The following SMAD6 variants were observed in gnomAD, a reference collection of about 807,000 sequenced individuals.
The protein encoded by SMAD6 is MAD homolog 6.
Under a neutral mutation model 39.4 loss-of-function variants are expected in SMAD6, and 103 were observed. That is an observed-to-expected ratio of 2.62 (90% CI 2.23 to 3.08). SMAD6 has a LOEUF of 3.08. Ranked by LOEUF, SMAD6 falls within the 30% of genes most tolerant of loss-of-function variation. The probability of loss-of-function intolerance (pLI) is 0.00; values close to 1 mark genes in which losing one functional copy is unlikely to be tolerated. For synonymous variants in SMAD6, 445 were observed against 353.3 expected, an observed-to-expected ratio of 1.26 and a Z score of -2.91; for missense variants, 1,104 against 742.9, an observed-to-expected ratio of 1.49 and a Z score of -5.65.
At chr15:66,719,632 T>C (rs921527347) in intron 3 of SMAD6, among the ~76,000 whole-genome samples, 43 of 152,338 alleles carry the variant, frequency 2.8e-4, no homozygotes, top group African/African-American at 5.1e-4. Flanking sequence ...TTATCTGTTT[T>C]ATCCAGCTCC....
intron 3 of SMAD6, among the ~76,000 whole-genome samples, chr15:66,755,436 A>C (rs1266027663): frequency 6.6e-6 from 1 of 152,228 alleles, no homozygotes; most frequent in Non-Finnish European, 1.5e-5. Context: ...CAGATTTTTT[A>C]ACAGCCAAGT....
chr15:66,755,717 T>G (rs1894085704), intron 3 of SMAD6, among the ~76,000 whole-genome samples: 1 of 152,092 alleles, frequency 6.6e-6, no homozygotes, highest in Non-Finnish European at 1.5e-5. Flanking sequence ...GTTCTCTGGG[T>G]TTTACAAAGG....
intron 3 of SMAD6, among the ~76,000 whole-genome samples, chr15:66,720,253 A>G (rs1260297405): frequency 8.0e-5 from 12 of 150,784 alleles, no homozygotes; most frequent in Admixed American, 2.0e-4. Flanking sequence ...TTTTTTTTCA[A>G]CTTTAAAGTA....
chr15:66,712,954 G>A (rs1261510272), intron 2 of SMAD6, among the ~76,000 whole-genome samples: 1 of 152,042 alleles, frequency 6.6e-6, no homozygotes, highest in Non-Finnish European at 1.5e-5. Context: ...CTGCAGTGAG[G>A]TATGATTGTG....
chr15:66,703,231 C>G lies in SMAD6; in HGVS notation c.-28C>G, dbSNP rs1322182294. The G allele has an allele frequency of 7.3e-7, 1 of 1,363,494 alleles. No individual in the cohort carries two copies. The highest frequency in any genetic ancestry group is 3.6e-5 in the Admixed American group (1 of 27,868). 84.5% of individuals were successfully genotyped at this position (1,363,494 alleles called of 1,614,324 possible). A position where few individuals can be genotyped will look rare whatever the true frequency, so the allele number is the denominator to read the frequency against. ...CCCCGGTAACCGGAGACCGCCTCCC[C>G]CCCACCCCTGGCGCCAAAGGATATC... On this transcript the variant is annotated 5_prime_UTR_variant, in exon 1 of 4. Transcript: ENST00000288840.
At chr15:66,731,788 A>G (rs900209705) in intron 3 of SMAD6, among the ~76,000 whole-genome samples, 1 of 152,176 alleles carries the variant, frequency 6.6e-6, no homozygotes, top group Non-Finnish European at 1.5e-5. Flanking sequence ...ATAACTTTAC[A>G]ACAGGCACTG....
chr15:66,722,086 G>A (rs565228714), intron 3 of SMAD6, among the ~76,000 whole-genome samples: 62 of 152,298 alleles, frequency 4.1e-4, no homozygotes, highest in African/African-American at 1.5e-3. Context: ...GAGAAAAGAT[G>A]GGCAGAGACC....
intron 3 of SMAD6, among the ~76,000 whole-genome samples, chr15:66,742,024 T>C (rs1271798985): frequency 6.6e-6 from 1 of 152,198 alleles, no homozygotes; most frequent in African/African-American, 2.4e-5. Context: ...CCTGTTTCCC[T>C]GCAACTTTCC....
chr15:66,746,324 T>A (rs1893907298), intron 3 of SMAD6, among the ~76,000 whole-genome samples: 1 of 152,108 alleles, frequency 6.6e-6, no homozygotes, highest in South Asian at 2.1e-4. Context: ...TAGGCTCTCC[T>A]CCTCCCTCCT....
intron 3 of SMAD6, among the ~76,000 whole-genome samples, chr15:66,746,463 C>G (rs1595784668): frequency 6.6e-6 from 1 of 152,134 alleles, no homozygotes; most frequent in African/African-American, 2.4e-5. Context: ...TATTGTTCCC[C>G]CTGCTGACAC....
intron 3 of SMAD6, among the ~76,000 whole-genome samples, chr15:66,734,148 C>G (rs1039146220): frequency 2.0e-5 from 3 of 152,212 alleles, no homozygotes; most frequent in Non-Finnish European, 4.4e-5. Context: ...GCCCAAGGCT[C>G]TTCCGGGAGC....
At chr15:66,759,754 A>G (rs1326420719) in intron 3 of SMAD6, among the ~76,000 whole-genome samples, 3 of 152,356 alleles carry the variant, frequency 2.0e-5, no homozygotes, top group Admixed American at 1.3e-4. Flanking sequence ...TTGCACTTGT[A>G]GAATCCACTT....
chr15:66,761,238 C>T (rs1397334904), intron 3 of SMAD6, among the ~76,000 whole-genome samples: 1 of 152,188 alleles, frequency 6.6e-6, no homozygotes, highest in Admixed American at 6.5e-5. Context: ...GCCCCACCCC[C>T]AGCCTCAGAA....
intron 3 of SMAD6, among the ~76,000 whole-genome samples, chr15:66,768,659 T>A (rs1278743077): frequency 6.6e-6 from 1 of 152,230 alleles, no homozygotes; most frequent in Admixed American, 6.5e-5. Flanking sequence ...ACAATGGTTC[T>A]CCTCACCTAC....
chr15:66,713,001 C>T (rs866062058), intron 2 of SMAD6, among the ~76,000 whole-genome samples: 1 of 152,270 alleles, frequency 6.6e-6, no homozygotes, highest in Middle Eastern at 3.4e-3. Context: ...AACAAGACCC[C>T]ATCTCTAAAA....
At chr15:66,754,885 G>A (rs553251232) in intron 3 of SMAD6, among the ~76,000 whole-genome samples, 14 of 152,214 alleles carry the variant, frequency 9.2e-5, no homozygotes, top group African/African-American at 3.4e-4. Flanking sequence ...AGGCTGTGTG[G>A]GCTGGGGGTG....
At chr15:66,725,588 G>A (rs945179576) in intron 3 of SMAD6, among the ~76,000 whole-genome samples, 6 of 152,240 alleles carry the variant, frequency 3.9e-5, no homozygotes, top group African/African-American at 1.4e-4. Context: ...TAGTGCCAGT[G>A]CTGGACAGAG....
chr15:66,780,386 C>T (rs1188136407), intron 3 of SMAD6, among the ~76,000 whole-genome samples: 1 of 152,116 alleles, frequency 6.6e-6, no homozygotes, highest in Non-Finnish European at 1.5e-5. Context: ...GCCCGCCTCC[C>T]TGTGCTTGAG....
At chr15:66,742,055 G>C (rs1215285962) in intron 3 of SMAD6, among the ~76,000 whole-genome samples, 1 of 152,206 alleles carries the variant, frequency 6.6e-6, no homozygotes, top group Non-Finnish European at 1.5e-5. Context: ...AGGTCTTGCT[G>C]CCTTTCCCTG....
Sources: allele counts gnomAD v4.1 joint callset (sites outside exome capture counted in the v4.1 genomes callset), GRCh38; gene constraint gnomAD v4.1.1; transcripts MANE v1.5; gene names NCBI Gene and HGNC (gene_info 2026-07-23, HGNC 2026-07-21).